Variants in MYO9A observed in about 807,000 individuals in gnomAD.
MYO9A encodes unconventional myosin-IXa.
MYO9A carries 103 observed loss-of-function variants against 293.3 expected under a neutral mutation model. That is an observed-to-expected ratio of 0.35 (90% CI 0.30 to 0.41). The LOEUF (loss-of-function observed/expected upper bound fraction) is 0.41. Ranked by LOEUF, MYO9A falls within the 10% of genes least tolerant of loss-of-function variation. The pLI, the probability that MYO9A is intolerant of heterozygous loss-of-function variation, is 1.00. For missense variants in MYO9A, 2,685 were observed against 3,033.0 expected (o/e 0.89, Z 2.69); for synonymous variants, 1,001 against 1,035.7 (o/e 0.97, Z 0.64).
chr15:72,039,609 T>G (rs1425497503), intron 2 of MYO9A, among the ~76,000 whole-genome samples: 1 of 151,918 alleles, frequency 6.6e-6, no homozygotes, highest in African/African-American at 2.4e-5. Flanking sequence ...GGTGGGTGGA[T>G]CATCTGAGGT....
chr15:71,856,034 G>A (rs978633068), intron 34 of MYO9A, among the ~76,000 whole-genome samples: 5 of 152,096 alleles, frequency 3.3e-5, no homozygotes, highest in East Asian at 1.9e-4. Flanking sequence ...TGTTAGGCCC[G>A]GCACAGTGGC....
chr15:71,976,306 G>T lies in MYO9A; in HGVS notation c.1844+1865C>A, dbSNP rs534928568. Among the ~76,000 whole-genome samples the T allele has an allele frequency of 2.0e-4, 30 of 152,276 alleles. 2 individuals are homozygous for T. Among genetic ancestry groups the T allele is most frequent in the Admixed American group, 1.6e-3 (25 of 15,290 alleles). ...AAAAACACAGTTTGAGAGTTTTTCT[G>T]TAACAGTAGTTATAGAAATGGGATA... On this transcript the variant is annotated intron_variant, in intron 12 of 41. Coordinates refer to ENST00000356056, the MANE Select transcript of MYO9A (RefSeq NM_006901.4).
At chr15:71,885,479 T>C (rs887421111) in intron 27 of MYO9A, among the ~76,000 whole-genome samples, 9 of 152,104 alleles carry the variant, frequency 5.9e-5, no homozygotes, top group African/African-American at 1.9e-4. Flanking sequence ...TACATTCAAA[T>C]GTATTAGGTA....
In MYO9A at chr15:71,825,998, T is replaced by TTTTTTTTG. The variant is rs2054474689; in HGVS notation, c.*581_*582insCAAAAAAA. The TTTTTTTTG allele has an allele frequency of 8.3e-6, 1 of 120,414 alleles. No individual in the cohort carries two copies. Among genetic ancestry groups the TTTTTTTTG allele is most frequent in the Non-Finnish European group, 1.7e-5 (1 of 59,556 alleles). The allele number at this position is 120,414 out of a possible 1,614,324, so 7.5% of individuals were successfully genotyped here. A position where few individuals can be genotyped will look rare whatever the true frequency, so the allele number is the denominator to read the frequency against. Reference sequence around the variant, plus strand: ...GAAACAATCACGGTTTTTTTTTGTTTTTTTTTTTTTGTTTTTTTTTTTTGT... The same window carrying TTTTTTTTG: ...GAAACAATCACGGTTTTTTTTTGTTTTTTTTTTGTTTTTTTTTTGTTTTTTTTTTTTGT... On this transcript the variant is annotated 3_prime_UTR_variant, in exon 42 of 42. Transcript: ENST00000356056.
intron 1 of MYO9A, among the ~76,000 whole-genome samples, chr15:72,077,254 A>C (rs1317036549): frequency 6.6e-6 from 1 of 152,250 alleles, no homozygotes; most frequent in Non-Finnish European, 1.5e-5. Context: ...AAACCATAGA[A>C]GAAATAATTG....
In MYO9A at chr15:71,898,699, G is replaced by C; in HGVS notation, c.3804C>G (p.Gly1268=). 1 of 1,613,710 alleles carries C rather than the reference G, an allele frequency of 6.2e-7. No individual in the cohort carries two copies. The highest frequency in any genetic ancestry group is 8.5e-7 in the Non-Finnish European group (1 of 1,179,932). The stretch of plus-strand genomic sequence containing the variant: ...TTCTCCTACTTTCTCTCTTAGCCCG[G>C]CCTACTTTTTTCTGATGGAGATCCT... ...SLEDLHQKKV[G]RAKRESRRMR... is the part of the protein sequence containing the mutation. The change falls in exon 25 of 42, where the codon GGC becomes GGG. Residue 1268 remains glycine, a synonymous_variant. Coordinates refer to ENST00000356056, the MANE Select transcript of MYO9A (RefSeq NM_006901.4).
At chr15:72,059,965 A>G (rs2078832727) in intron 1 of MYO9A, among the ~76,000 whole-genome samples, 1 of 152,232 alleles carries the variant, frequency 6.6e-6, no homozygotes, top group Non-Finnish European at 1.5e-5. Flanking sequence ...TCTTTTGGAA[A>G]AAACCTACAT....
intron 32 of MYO9A, among the ~76,000 whole-genome samples, chr15:71,872,981 C>T (rs375193273): frequency 1.5e-3 from 229 of 151,688 alleles, no homozygotes; most frequent in African/African-American, 4.8e-3. Context: ...GGCGCGATCT[C>T]GGCTCACTGC....
chr15:72,034,113 C>T (rs544976729), intron 2 of MYO9A, among the ~76,000 whole-genome samples: 1 of 152,312 alleles, frequency 6.6e-6, no homozygotes, highest in South Asian at 2.1e-4. Flanking sequence ...GATGCCCCGG[C>T]AACTACATCT....
intron 10 of MYO9A, among the ~76,000 whole-genome samples, chr15:71,992,058 A>T (rs2076557621): frequency 6.6e-6 from 1 of 152,114 alleles, no homozygotes. Flanking sequence ...CCCGGCCAGA[A>T]CATACGGTTT....
At chr15:71,949,158 A>G (rs2058993873) in intron 15 of MYO9A, among the ~76,000 whole-genome samples, 1 of 151,936 alleles carries the variant, frequency 6.6e-6, no homozygotes, top group South Asian at 2.1e-4. Context: ...TTTCCTTCGT[A>G]TTTACCCTGC....
At chr15:71,873,465 G>A (rs2056586337) in intron 32 of MYO9A, among the ~76,000 whole-genome samples, 1 of 151,888 alleles carries the variant, frequency 6.6e-6, no homozygotes, top group Non-Finnish European at 1.5e-5. Context: ...TGTTATTGCT[G>A]GGTCAGTTTT....
intron 14 of MYO9A, among the ~76,000 whole-genome samples, chr15:71,954,058 G>C (rs2059123143): frequency 6.6e-6 from 1 of 151,878 alleles, no homozygotes; most frequent in Non-Finnish European, 1.5e-5. Context: ...ACCATGCCCA[G>C]CTAATTTTTG....
At chr15:71,908,663 T>C (rs756787189) in intron 19 of MYO9A, among the ~76,000 whole-genome samples, 18 of 152,184 alleles carry the variant, frequency 1.2e-4, no homozygotes, top group Non-Finnish European at 2.2e-4. Context: ...GAGCAGAACA[T>C]AGAATTCCCA....
intron 1 of MYO9A, among the ~76,000 whole-genome samples, chr15:72,067,171 T>C (rs1313427160): frequency 6.7e-6 from 1 of 148,474 alleles, no homozygotes; most frequent in African/African-American, 2.4e-5. Context: ...AATATACTTA[T>C]TAAATATATT....
At chr15:72,028,218 A>AATATATATATATAT (rs33914430) in intron 3 of MYO9A, among the ~76,000 whole-genome samples, 87 of 134,200 alleles carry the variant, frequency 6.5e-4, no homozygotes, top group South Asian at 4.7e-3. Flanking sequence ...TAAATAAATA[A>AATATATATATATAT]ATATATATAT....
chr15:71,828,511 C>T (rs1050107854), intron 40 of MYO9A, among the ~76,000 whole-genome samples: 1 of 152,176 alleles, frequency 6.6e-6, no homozygotes, highest in Non-Finnish European at 1.5e-5. Flanking sequence ...CCTCTATCTT[C>T]ACCACAGAGA....
intron 19 of MYO9A, among the ~76,000 whole-genome samples, chr15:71,909,997 C>A: frequency 6.6e-6 from 1 of 151,070 alleles, no homozygotes; most frequent in East Asian, 1.9e-4. Flanking sequence ...TAATAATACA[C>A]ATAAAATATT....
intron 28 of MYO9A, among the ~76,000 whole-genome samples, chr15:71,881,621 T>A (rs1356023173): frequency 6.6e-6 from 1 of 152,208 alleles, no homozygotes; most frequent in Non-Finnish European, 1.5e-5. Context: ...ATAAAATAAA[T>A]GTTTACTAAA....
Sources: allele counts gnomAD v4.1 joint callset (sites outside exome capture counted in the v4.1 genomes callset), GRCh38; gene constraint gnomAD v4.1.1; transcripts MANE v1.5; gene names NCBI Gene and HGNC (gene_info 2026-07-23, HGNC 2026-07-21).